Variants in MUC5AC observed in about 807,000 individuals in gnomAD.
The protein encoded by MUC5AC is mucin 5AC, oligomeric mucus/gel-forming.
Under a neutral mutation model 169.7 loss-of-function variants are expected in MUC5AC, and 158 were observed. The ratio of observed to expected loss-of-function variants is 0.93; its 90% CI spans 0.82 to 1.06. MUC5AC has a LOEUF of 1.06. Ranked by LOEUF, MUC5AC falls within the 50% of genes least tolerant of loss-of-function variation. The pLI, the probability that MUC5AC is intolerant of heterozygous loss-of-function variation, is 0.00. For missense variants in MUC5AC, 4,359 were observed against 3,089.9 expected (o/e 1.41, Z -9.74); for synonymous variants, 1,975 against 1,237.0 (o/e 1.60, Z -12.52).
In MUC5AC at chr11:1,185,142, A is replaced by G; in HGVS notation, c.6997A>G (p.Thr2333Ala). The G allele has an allele frequency of 1.4e-6, 1 of 728,356 alleles. No homozygotes were observed. The highest frequency in any genetic ancestry group is 1.9e-5 in the Admixed American group (1 of 53,016). 45.1% of individuals were successfully genotyped at this position (728,356 alleles called of 1,614,324 possible). ...AACCTCTGCCCCTACAACCAGCACA[A>G]CCTCTGCCCCTACAAGCAGCACAAC... ...SITSAPTTST[T>A]SAPTSSTTSG... is the part of the protein sequence containing the mutation. Residue 2333 changes from threonine to alanine, a missense_variant, in exon 31 of 49, where the codon ACC becomes GCC. Thr to Ala is a moderately conservative substitution (Grantham distance 58, BLOSUM62 0). Transcript: ENST00000621226.
chr11:1,165,435 C>T lies in MUC5AC; in HGVS notation c.1247+16C>T, dbSNP rs369576988. On this transcript the variant is annotated intron_variant, in intron 10 of 48. Coordinates refer to ENST00000621226, the MANE Select transcript of MUC5AC (RefSeq NM_001304359.2). ...GCACCAACTGGTAGGTCCCAGCCCC[C>T]CTCCAGGCCACCAAGGATGTGCTAT... The T allele has an allele frequency of 6.9e-6, 10 of 1,455,800 alleles. No individual in the cohort carries two copies. In the African/African-American group the frequency reaches 1.5e-4, roughly 22 times the overall value. The allele number at this position is 1,455,800 out of a possible 1,614,324, so 90.2% of individuals were successfully genotyped here.
Position 1,162,160 on chromosome 11 carries a change from C to T in MUC5AC, c.465C>T (p.Asn155=), listed in dbSNP as rs200582824. The part of the protein sequence containing the change: ...IQLTKGSVLV[N]GHPVLLPFSQ... ...TGACCAAGGGCTCCGTCCTGGTCAA[C>T]GGCCACCCGTGAGTCTGGGTTCTGG... Residue 155 remains asparagine, a synonymous_variant, in exon 4 of 49, where the codon AAC becomes AAT. Coordinates refer to ENST00000621226, the MANE Select transcript of MUC5AC (RefSeq NM_001304359.2). 4.0e-4 allele frequency: 642 copies of T among 1,609,796 alleles called. 1 individual carries two copies. The African/African-American group carries it at 7.2e-3, about 18-fold the overall frequency.
chr11:1,191,966 C>G lies in MUC5AC; in HGVS notation c.13821C>G (p.Thr4607=). 1 of 765,244 alleles carries G rather than the reference C, an allele frequency of 1.3e-6. No homozygotes were observed. The allele number at this position is 765,244 out of a possible 1,614,324, so 47.4% of individuals were successfully genotyped here. A position where few individuals can be genotyped will look rare whatever the true frequency, so the allele number is the denominator to read the frequency against. Residue 4607 remains threonine, a synonymous_variant, in exon 31 of 49, where the codon ACC becomes ACG. Transcript: ENST00000621226. ...PTTSTTPVSK[T]STSHLSVSKT... is the part of the protein sequence containing the mutation. ...CCAGCACAACCCCTGTTTCAAAGAC[C>G]AGCACAAGCCATCTTTCTGTATCCA...
chr11:1,198,414 G>A (rs1861339206), intron 43 of MUC5AC, 109 bp downstream of exon 43: 1 of 687,266 alleles, frequency 1.5e-6, no homozygotes, highest in East Asian at 2.7e-5. Context: ...CGAGGCCAGG[G>A]ACTCGAGTCT....
chr11:1,171,974 CTCACTCACTCAG>C (rs1860562504), intron 15 of MUC5AC, among the ~76,000 whole-genome samples: 1 of 149,610 alleles, frequency 6.7e-6, no homozygotes, highest in Non-Finnish European at 1.5e-5. Flanking sequence ...CACTCACTCA[CTCACTCACTCAG>C]TCATTCACTT....
rs79206359 is a variant in MUC5AC, at chr11:1,191,705, C to T, written c.13560C>T (p.Ser4520=). 1 of 707,822 alleles carries T rather than the reference C, an allele frequency of 1.4e-6. No homozygotes were observed. The allele number at this position is 707,822 out of a possible 1,614,324, so 43.8% of individuals were successfully genotyped here. Reference sequence around the variant, plus strand: ...CTCCCAGCCCTGTTCCCACCACCAGCACAACCTCTGCTCCTACAACCAGCA... The same window carrying T: ...CTCCCAGCCCTGTTCCCACCACCAGTACAACCTCTGCTCCTACAACCAGCA... ...GTTPSPVPTT[S]TTSAPTTSTT... Residue 4520 remains serine, a synonymous_variant, in exon 31 of 49, where the codon AGC becomes AGT. Transcript: ENST00000621226.
intron 30 of MUC5AC, among the ~76,000 whole-genome samples, chr11:1,181,680 C>A (rs1860818746): frequency 6.6e-6 from 1 of 152,130 alleles, no homozygotes; most frequent in Admixed American, 6.5e-5. Flanking sequence ...GTCACCCCAG[C>A]AGGCCTGGCG....
intron 15 of MUC5AC, among the ~76,000 whole-genome samples, chr11:1,170,433 CCATTCACCCACT>C (rs1860472839): frequency 7.6e-6 from 1 of 131,264 alleles, no homozygotes; most frequent in Non-Finnish European, 1.7e-5. Context: ...ACCCATTCAC[CCATTCACCCACT>C]CACTCACCCA....
In MUC5AC at chr11:1,177,480, G is replaced by A. The variant is rs1860715486; in HGVS notation, c.2934G>A (p.Gly978=). The A allele has an allele frequency of 1.0e-5, 4 of 398,816 alleles. No homozygotes were observed. The highest frequency in any genetic ancestry group is 6.2e-5 in the African/African-American group (3 of 48,628). The allele number at this position is 398,816 out of a possible 1,614,324, so 24.7% of individuals were successfully genotyped here. A position where few individuals can be genotyped will look rare whatever the true frequency, so the allele number is the denominator to read the frequency against. ...GCTTCGAGCTGAAGCTAAGCCATGG[G>A]AAGGTGGAGGTGATCGGGACGGACG... is the stretch of plus-strand genomic sequence containing the variant. ...LGGFELKLSH[G]KVEVIGTDES... is the part of the protein sequence containing the mutation. The change falls in exon 24 of 49, where the codon GGG becomes GGA. Residue 978 remains glycine (G), a synonymous_variant. Coordinates refer to ENST00000621226, the MANE Select transcript of MUC5AC (RefSeq NM_001304359.2).
At position 1,186,130 on chromosome 11, in the gene MUC5AC, C is replaced by A; in HGVS notation, c.7985C>A (p.Pro2662His). ...TTSGPGTTPS[P>H]VPTTSTISVP... ...TCTGGTCCTGGAACTACTCCCAGCC[C>A]TGTTCCTACCACCAGCACAATCTCT... Residue 2662 changes from proline to histidine, a missense_variant, in exon 31 of 49, where the codon CCT becomes CAT. By Grantham distance (77) the Pro-to-His change is moderately conservative. Coordinates refer to ENST00000621226, the MANE Select transcript of MUC5AC (RefSeq NM_001304359.2). The A allele has an allele frequency of 1.3e-6, 1 of 746,340 alleles. No homozygotes were observed. Among genetic ancestry groups the A allele is most frequent in the Non-Finnish European group, 2.5e-6 (1 of 407,766 alleles). The allele number at this position is 746,340 out of a possible 1,614,324, so 46.2% of individuals were successfully genotyped here. A position where few individuals can be genotyped will look rare whatever the true frequency, so the allele number is the denominator to read the frequency against.
At chr11:1,164,927 GAGCCCCCTGA>G (rs1860268400) in intron 9 of MUC5AC, among the ~76,000 whole-genome samples, 16 of 117,608 alleles carry the variant, frequency 1.4e-4, no homozygotes, top group East Asian at 4.9e-4. Context: ...ATCCTGTCCT[GAGCCCCCTGA>G]GGCTGGCTGA....
At position 1,192,987 on chromosome 11, in the gene MUC5AC, C is replaced by A. The variant is rs1049364031; in HGVS notation, c.14580+5C>A. 4.3e-6 allele frequency: 3 copies of A among 697,128 alleles called. No homozygotes were observed. Among genetic ancestry groups the A allele is most frequent in the Admixed American group, 2.0e-5 (1 of 50,866 alleles). The allele number at this position is 697,128 out of a possible 1,614,324, so 43.2% of individuals were successfully genotyped here. Reference sequence around the variant, plus strand: ...AATGCGGTTCCCCCCAGAAAGGTAACCCCCTACTTCTCACCCTTCTGAAGG... The same window carrying A: ...AATGCGGTTCCCCCCAGAAAGGTAAACCCCTACTTCTCACCCTTCTGAAGG... On this transcript the variant is annotated splice_donor_5th_base_variant and intron_variant, in intron 32 of 48. Transcript: ENST00000621226.
intron 28 of MUC5AC, 101 bp downstream of exon 28, chr11:1,180,617 C>A (rs1860795284): frequency 1.3e-5 from 5 of 398,142 alleles, no homozygotes; most frequent in Non-Finnish European, 2.2e-5. Flanking sequence ...GGCTGGGGAC[C>A]TCCCCGTTAC....
intron 15 of MUC5AC, among the ~76,000 whole-genome samples, chr11:1,171,071 C>G (rs1305815981): frequency 9.7e-6 from 1 of 103,124 alleles, no homozygotes; most frequent in Non-Finnish European, 2.3e-5. Context: ...CACTCACCGA[C>G]TCACCCATTC....
At chr11:1,198,103 T>G (rs1835958007) in intron 42 of MUC5AC, 99 bp downstream of exon 42, 10 of 649,554 alleles carry the variant, frequency 1.5e-5, no homozygotes, top group South Asian at 1.5e-4. Context: ...GCTTGTCCAC[T>G]GCGGGTCTGT....
At chr11:1,162,811 G>A (rs373232704) in intron 5 of MUC5AC, 144 bp from the exon 6 acceptor site, 28 of 991,246 alleles carry the variant, frequency 2.8e-5, no homozygotes, top group African/African-American at 3.2e-5. Context: ...ATGGTGTCCC[G>A]GGGTCTGTGC....
chr11:1,196,782 G>A, intron 39 of MUC5AC, 62 bp downstream of exon 39: 1 of 730,666 alleles, frequency 1.4e-6, no homozygotes. Flanking sequence ...TGTTGGCCAG[G>A]TCCTGGGGTC....
At chr11:1,178,764 G>C in intron 25 of MUC5AC, 81 bp downstream of exon 25, 2 of 733,602 alleles carry the variant, frequency 2.7e-6, no homozygotes, top group Non-Finnish European at 3.8e-6. Context: ...GAAGGGAATG[G>C]GGTCTGGGAG....
chr11:1,167,929 T>G lies in MUC5AC; in HGVS notation c.1439T>G (p.Leu480Arg). The change falls in exon 12 of 49, where the codon CTG (leucine) becomes CGG (arginine). Residue 480 changes from leucine (L) to arginine (R), a missense_variant. Transcript: ENST00000621226. ...CTGGCTGAGCTGCGCAGGTGCGGGC[T>G]GACGGACAGCGAGACCTGCCTGAAG... ...TVLAELRRCG[L>R]TDSETCLKSV... The G allele has an allele frequency of 6.4e-7, 1 of 1,550,814 alleles. No homozygotes were observed. The highest frequency in any genetic ancestry group is 8.7e-7 in the Non-Finnish European group (1 of 1,147,290).
Sources: allele counts gnomAD v4.1 joint callset (sites outside exome capture counted in the v4.1 genomes callset), GRCh38; gene constraint gnomAD v4.1.1; transcripts MANE v1.5; gene names NCBI Gene and HGNC (gene_info 2026-07-23, HGNC 2026-07-21).